Variants in RALYL observed in about 807,000 individuals in gnomAD.
RALYL encodes RALY RNA binding protein like, also known as RNA-binding Raly-like protein.
Under a neutral mutation model 35.1 loss-of-function variants are expected in RALYL, and 29 were observed. The observed-to-expected ratio is 0.83, with a 90% CI of 0.61 to 1.13. RALYL has a LOEUF of 1.13. Ranked by LOEUF, RALYL falls within the 50% of genes most tolerant of loss-of-function variation. The probability of loss-of-function intolerance (pLI) is 0.00; values close to 1 mark genes in which losing one functional copy is unlikely to be tolerated. For synonymous variants in RALYL, 120 were observed against 127.6 expected (o/e 0.94, Z 0.40); for missense variants, 359 against 360.4 (o/e 1.00, Z 0.03).
At chr8:84,447,352 C>T (rs1405110711) in intron 1 of RALYL, among the ~76,000 whole-genome samples, 1 of 151,366 alleles carries the variant, frequency 6.6e-6, no homozygotes, top group Non-Finnish European at 1.5e-5. Context: ...CTTTCATATT[C>T]CTGCATTCCT....
At chr8:84,854,392 G>T (rs900110752) in intron 5 of RALYL, among the ~76,000 whole-genome samples, 4 of 152,060 alleles carry the variant, frequency 2.6e-5, no homozygotes, top group Non-Finnish European at 5.9e-5. Context: ...AATAATGGTA[G>T]ATGTATTTCT....
intron 1 of RALYL, among the ~76,000 whole-genome samples, chr8:84,492,492 T>G (rs1160260580): frequency 6.6e-6 from 1 of 152,142 alleles, no homozygotes; most frequent in African/African-American, 2.4e-5. Flanking sequence ...CTTCAAAGTC[T>G]GCAGTCTGAC....
intron 1 of RALYL, among the ~76,000 whole-genome samples, chr8:84,226,892 A>G (rs1466614640): frequency 1.3e-5 from 2 of 152,040 alleles, no homozygotes; most frequent in Non-Finnish European, 2.9e-5. Flanking sequence ...TGCTATCAAT[A>G]TCTGTTAGTT....
chr8:84,828,177 AT>A (rs887063227), intron 4 of RALYL, among the ~76,000 whole-genome samples: 1 of 152,162 alleles, frequency 6.6e-6, no homozygotes, highest in Non-Finnish European at 1.5e-5. Flanking sequence ...AAAATAATTA[AT>A]TTTATGCATA....
chr8:84,727,639 C>T (rs1217771261), intron 2 of RALYL, among the ~76,000 whole-genome samples: 3 of 130,874 alleles, frequency 2.3e-5, no homozygotes, highest in East Asian at 4.8e-4. Context: ...CACCCCACAA[C>T]AGTCCCCAGA....
chr8:84,350,482 G>A lies in RALYL; in HGVS notation c.-24+166058G>A, dbSNP rs1377988450. On this transcript the variant is annotated intron_variant, in intron 1 of 8. Coordinates refer to ENST00000521268, the MANE Select transcript of RALYL (RefSeq NM_173848.7). Reference sequence around the variant, plus strand: ...TTTGAAATCTGTATTGTCCCTGGTCGAGACAGTACTACACTGGTCTGCTTG... The same window carrying A: ...TTTGAAATCTGTATTGTCCCTGGTCAAGACAGTACTACACTGGTCTGCTTG... Among the ~76,000 whole-genome samples, 5 of 149,966 alleles carry A rather than the reference G, an allele frequency of 3.3e-5. 2 individuals are homozygous for A. The highest frequency in any genetic ancestry group is 6.6e-5 in the Admixed American group (1 of 15,074).
intron 4 of RALYL, among the ~76,000 whole-genome samples, chr8:84,830,014 A>G (rs1830538366): frequency 4.2e-5 from 1 of 23,754 alleles, no homozygotes; most frequent in African/African-American, 1.1e-4. Context: ...TCAGCACTAT[A>G]CTGGGGGGGG....
In RALYL at chr8:84,694,148, T is replaced by C. The variant is rs1244952689; in HGVS notation, c.257-80431T>C. ...GACAAAGAAATAAAAGGCATCCAAA[T>C]TGGAAAGGAAGGAGTTGAATTTTCT... On this transcript the variant is annotated intron_variant, in intron 2 of 8. Transcript: ENST00000521268. 7.9e-5 allele frequency among the ~76,000 whole-genome samples: 12 copies of C among 151,774 alleles called. No homozygotes were observed. In the Admixed American group the frequency reaches 7.9e-4, roughly 10 times the overall value.
At chr8:84,429,799 CAT>C (rs1242125740) in intron 1 of RALYL, among the ~76,000 whole-genome samples, 1 of 152,006 alleles carries the variant, frequency 6.6e-6, no homozygotes, top group Non-Finnish European at 1.5e-5. Context: ...AAAAGGAAAA[CAT>C]GTCATTTACT....
chr8:84,245,474 G>A (rs1330939523), intron 1 of RALYL, among the ~76,000 whole-genome samples: 3 of 152,078 alleles, frequency 2.0e-5, no homozygotes, highest in African/African-American at 7.2e-5. Flanking sequence ...ATGAAAGGCT[G>A]ATAAATTCTG....
intron 5 of RALYL, 54 bp downstream of exon 5, chr8:84,850,081 T>C (rs1835517789): frequency 9.9e-7 from 1 of 1,007,210 alleles, no homozygotes. Flanking sequence ...CTTTTAACCA[T>C]TTTGTACATT....
chr8:84,606,076 AC>A, intron 2 of RALYL, among the ~76,000 whole-genome samples: 1 of 152,188 alleles, frequency 6.6e-6, no homozygotes, highest in South Asian at 2.1e-4. Context: ...GAGGTTTTCA[AC>A]CCAAATCAGT....
chr8:84,301,307 TA>T (rs1040747897), intron 1 of RALYL, among the ~76,000 whole-genome samples: 56 of 152,044 alleles, frequency 3.7e-4, no homozygotes, highest in African/African-American at 9.2e-4. Flanking sequence ...CTAGCTGCCT[TA>T]AAAAAAATTT....
At chr8:84,327,650 C>T (rs1846053714) in intron 1 of RALYL, among the ~76,000 whole-genome samples, 1 of 151,810 alleles carries the variant, frequency 6.6e-6, no homozygotes, top group South Asian at 2.1e-4. Context: ...ACCCACAAAG[C>T]CCAAAATCCT....
intron 4 of RALYL, among the ~76,000 whole-genome samples, chr8:84,816,456 A>G (rs968119554): frequency 1.3e-4 from 20 of 152,218 alleles, no homozygotes; most frequent in Admixed American, 6.5e-5. Context: ...GAATTTTTTC[A>G]TAAGTAGCTT....
At chr8:84,862,933 T>C (rs924390295) in intron 6 of RALYL, among the ~76,000 whole-genome samples, 3 of 152,204 alleles carry the variant, frequency 2.0e-5, no homozygotes, top group Non-Finnish European at 2.9e-5. Flanking sequence ...ATAAGATATA[T>C]GTATCTGAAG....
chr8:84,297,981 G>A (rs1840079977), intron 1 of RALYL, among the ~76,000 whole-genome samples: 1 of 152,108 alleles, frequency 6.6e-6, no homozygotes, highest in South Asian at 2.1e-4. Flanking sequence ...CCATTCTGCA[G>A]GTTGTCAGCT....
intron 4 of RALYL, among the ~76,000 whole-genome samples, chr8:84,847,675 C>T (rs1384830089): frequency 6.6e-6 from 1 of 152,170 alleles, no homozygotes; most frequent in African/African-American, 2.4e-5. Context: ...TTTTAATAAT[C>T]CATGACTGCC....
intron 1 of RALYL, among the ~76,000 whole-genome samples, chr8:84,329,471 C>G (rs1178509836): frequency 6.6e-6 from 1 of 151,798 alleles, no homozygotes; most frequent in East Asian, 1.9e-4. Flanking sequence ...GCTTTTTGAA[C>G]TGTTTAAATT....
Sources: allele counts gnomAD v4.1 joint callset (sites outside exome capture counted in the v4.1 genomes callset), GRCh38; gene constraint gnomAD v4.1.1; transcripts MANE v1.5; gene names NCBI Gene and HGNC (gene_info 2026-07-23, HGNC 2026-07-21).